Variants in DNAH5 observed in about 807,000 individuals in gnomAD.
DNAH5 encodes dynein axonemal heavy chain 5.
A neutral mutation model predicts 518.2 loss-of-function variants in DNAH5; 372 were observed. That is an observed-to-expected ratio of 0.72 (90% CI 0.66 to 0.78). The LOEUF (loss-of-function observed/expected upper bound fraction) is 0.78, where lower values mean the gene tolerates loss of function less well. Ranked by LOEUF, DNAH5 falls within the 30% of genes least tolerant of loss-of-function variation. The pLI is 0.00. For synonymous variants in DNAH5, 2,039 were observed against 2,025.9 expected (o/e 1.01, Z -0.17); for missense variants, 5,523 against 5,687.0 (o/e 0.97, Z 0.93).
At chr5:13,735,056 A>G (rs1300374464) in intron 68 of DNAH5, 75 bp downstream of exon 68, 10 of 1,413,092 alleles carry the variant, frequency 7.1e-6, no homozygotes, top group Non-Finnish European at 9.0e-6. Context: ...ATAACCAAAA[A>G]ATGTACTGCA....
At chr5:13,783,969 A>G (rs1175286627) in intron 52 of DNAH5, among the ~76,000 whole-genome samples, 1 of 152,208 alleles carries the variant, frequency 6.6e-6, no homozygotes, top group East Asian at 1.9e-4. Context: ...GAGCAGACAG[A>G]CAAGAGGCAG....
chr5:13,728,145 G>A (rs1579936588), intron 69 of DNAH5, among the ~76,000 whole-genome samples: 1 of 152,072 alleles, frequency 6.6e-6, no homozygotes, highest in East Asian at 1.9e-4. Context: ...TTAATCTAGA[G>A]TAATTGGAAA....
At chr5:13,843,092 C>A (rs932376202) in intron 32 of DNAH5, among the ~76,000 whole-genome samples, 1 of 152,148 alleles carries the variant, frequency 6.6e-6, no homozygotes, top group East Asian at 1.9e-4. Context: ...TTCTTTCAAC[C>A]CACACATCCC....
intron 68 of DNAH5, 120 bp downstream of exon 68, chr5:13,735,011 C>A: frequency 1.2e-6 from 1 of 854,532 alleles, no homozygotes; most frequent in Non-Finnish European, 1.9e-6. Context: ...AATATCTCAT[C>A]TAAATGCAGT....
At position 13,788,918 on chromosome 5, in the gene DNAH5, T is replaced by C; in HGVS notation, c.8449-4A>G. 1 of 1,613,720 alleles carries C rather than the reference T, an allele frequency of 6.2e-7. No individual in the cohort carries two copies. On this transcript the variant is annotated splice_region_variant and splice_polypyrimidine_tract_variant and intron_variant, in intron 50 of 78. Coordinates refer to ENST00000265104, the MANE Select transcript of DNAH5 (RefSeq NM_001369.3). ...GCTTCCACAGCTTTAACAGATCCTG[T>C]TGAAAGTATAATTAAAATGTGTTAG... is the stretch of plus-strand genomic sequence containing the variant.
intron 30 of DNAH5, among the ~76,000 whole-genome samples, chr5:13,858,247 G>A (rs1235006632): frequency 6.6e-6 from 1 of 152,152 alleles, no homozygotes; most frequent in Non-Finnish European, 1.5e-5. Context: ...CACAAAAAAG[G>A]AGGAATCCAT....
intron 45 of DNAH5, 28 bp downstream of exon 45, chr5:13,810,031 T>C: frequency 6.5e-7 from 1 of 1,547,756 alleles, no homozygotes. Context: ...CCCCCATGGG[T>C]TCCGTCTGGA....
intron 40 of DNAH5, among the ~76,000 whole-genome samples, chr5:13,821,262 A>G (rs1762202370): frequency 6.6e-6 from 1 of 152,210 alleles, no homozygotes; most frequent in Admixed American, 6.5e-5. Flanking sequence ...AGCAAAATGT[A>G]TTTTAAATGT....
At chr5:13,950,405 T>C (rs1288728991) in intron 1 of DNAH5, among the ~76,000 whole-genome samples, 1 of 152,108 alleles carries the variant, frequency 6.6e-6, no homozygotes, top group South Asian at 2.1e-4. Flanking sequence ...GCCTCCCAAG[T>C]AGCCGGGATT....
rs1762460116 is a variant in DNAH5 at position 13,823,266 on chromosome 5, T to A, written c.6684A>T (p.Arg2228Ser). The change falls in exon 40 of 79, where the codon AGA becomes AGT. Residue 2228 changes from arginine to serine, a missense_variant. Arg to Ser is a moderately radical substitution (Grantham distance 110, BLOSUM62 -1). This residue lies in a region of DNAH5 where 5,121 missense variants were observed against 5,223.3 expected (regional missense o/e 0.98). Transcript: ENST00000265104. ...GTTGCCCTGTGAAGCATATTACCTG[T>A]CTACTAATTGCTGCTTCCAGTTCAG... The part of the protein sequence containing the change: ...GYPELEAAIS[R>S]QVEEAGLINH... 6 of 1,594,334 alleles carry A rather than the reference T, an allele frequency of 3.8e-6. No homozygotes were observed. The highest frequency in any genetic ancestry group is 1.7e-4 in the Middle Eastern group (1 of 6,030).
chr5:13,980,819 T>C lies in DNAH5; in HGVS notation c.12+30829A>G, dbSNP rs114869544. Among the ~76,000 whole-genome samples the C allele has an allele frequency of 1.6e-3, 244 of 152,318 alleles. 1 individual carries two copies. Among genetic ancestry groups the C allele is most frequent in the African/African-American group, 5.4e-3 (224 of 41,570 alleles). ...CTACTCCAACTCCTACCACTTTTCCTCTTTGCTCACTCCCCTCCAGGCACT... is the reference window on the plus strand; with the variant it reads ...CTACTCCAACTCCTACCACTTTTCCCCTTTGCTCACTCCCCTCCAGGCACT... On this transcript the variant is annotated intron_variant, in intron 1 of 78. Transcript: ENST00000681290.
At chr5:13,805,061 C>A (rs141009571) in intron 47 of DNAH5, among the ~76,000 whole-genome samples, 1 of 152,204 alleles carries the variant, frequency 6.6e-6, no homozygotes, top group African/African-American at 2.4e-5. Flanking sequence ...TGGAAATTTC[C>A]TGAGTGATAG....
intron 35 of DNAH5, among the ~76,000 whole-genome samples, chr5:13,833,131 C>CA (rs57578159): frequency 1.5e-3 from 217 of 140,266 alleles, no homozygotes; most frequent in South Asian, 6.2e-3. Context: ...ATGTGTTATC[C>CA]AAAAAAAAAA....
rs754273700 is a variant in DNAH5, at chr5:13,718,967, A to T, written c.12414T>A (p.Phe4138Leu). Residue 4138 changes from phenylalanine to leucine, a missense_variant, in exon 72 of 79, where the codon TTT (phenylalanine) becomes TTA (leucine). Transcript: ENST00000265104. ...LWMTTEAHKQ[F>L]PITLLQMSIK... ...TGGACATCTGAAGGAGTGTAATGGG[A>T]AACTGCTTATGAGCCTCGGTGGTCA... 6.2e-7 allele frequency: 1 copy of T among 1,614,172 alleles called. No individual in the cohort carries two copies. Among genetic ancestry groups the T allele is most frequent in the Non-Finnish European group, 8.5e-7 (1 of 1,180,014 alleles).
intron 5 of DNAH5, among the ~76,000 whole-genome samples, chr5:13,921,475 T>TCTCACACACACA (rs1554103992): frequency 1.1e-4 from 8 of 73,768 alleles, no homozygotes; most frequent in South Asian, 8.2e-4. Flanking sequence ...TATCTCTCTC[T>TCTCACACACACA]CACACACACA....
chr5:13,866,129 G>A, intron 26 of DNAH5, 91 bp downstream of exon 26: 5 of 1,177,030 alleles, frequency 4.2e-6, no homozygotes, highest in Non-Finnish European at 6.3e-6. Flanking sequence ...CCACAATAGG[G>A]CCCTCTATCT....
At chr5:13,911,247 AAC>A (rs1775952888) in intron 12 of DNAH5, 137 bp downstream of exon 12, 2 of 706,204 alleles carry the variant, frequency 2.8e-6, no homozygotes, top group African/African-American at 1.8e-5. Flanking sequence ...GAAATCACGA[AAC>A]ACAGGCTGAG....
intron 65 of DNAH5, 51 bp from the exon 66 acceptor site, chr5:13,737,546 A>G: frequency 6.3e-7 from 1 of 1,586,440 alleles, no homozygotes; most frequent in South Asian, 1.1e-5. Flanking sequence ...ACTCTTGTTG[A>G]GTATTCCTTA....
intron 40 of DNAH5, among the ~76,000 whole-genome samples, chr5:13,822,845 G>C (rs113086324): frequency 1.5e-3 from 221 of 152,136 alleles, no homozygotes; most frequent in African/African-American, 4.9e-3. Flanking sequence ...CAAGTACTGA[G>C]GAAAGAGAAG....
Sources: allele counts gnomAD v4.1 joint callset (sites outside exome capture counted in the v4.1 genomes callset), GRCh38; gene constraint gnomAD v4.1.1; regional missense constraint gnomAD v4.1.1; transcripts MANE v1.5; gene names NCBI Gene and HGNC (gene_info 2026-07-23, HGNC 2026-07-21).